Variants in KSR1 observed in about 807,000 individuals in gnomAD.
The protein encoded by KSR1 is kinase suppressor of ras 1, also known as kinase suppressor of ras.
A neutral mutation model predicts 92.9 loss-of-function variants in KSR1; 35 were observed. That is an observed-to-expected ratio of 0.38 (90% confidence interval 0.29 to 0.50). The LOEUF is 0.50. Among genes scored for constraint, KSR1 ranks in the 20% least tolerant of loss-of-function variants. KSR1 has a pLI of 0.94. For synonymous variants in KSR1, 467 were observed against 472.6 expected, an observed-to-expected ratio of 0.99 and a Z score of 0.15; for missense variants, 972 against 1,158.5, an observed-to-expected ratio of 0.84 and a Z score of 2.34.
rs972615817 is a variant in KSR1, at chr17:27,609,507, G to T, written c.2225+178G>T. On this transcript the variant is annotated intron_variant, in intron 16 of 20. Coordinates refer to ENST00000644974, the MANE Select transcript of KSR1 (RefSeq NM_001394583.1). Reference sequence around the variant, plus strand: ...CAGAATCAGATTTGGGTCGCGTTTGGATTCTCAGGCCGACTTCCACGGAAA... The same window carrying T: ...CAGAATCAGATTTGGGTCGCGTTTGTATTCTCAGGCCGACTTCCACGGAAA... Among the ~76,000 whole-genome samples the T allele has an allele frequency of 2.6e-5, 4 of 152,208 alleles. No individual in the cohort carries two copies. The East Asian group carries it at 5.8e-4, about 22-fold the overall frequency.
chr17:27,457,447 C>T (rs2019231939), intron 1 of KSR1, among the ~76,000 whole-genome samples: 1 of 152,164 alleles, frequency 6.6e-6, no homozygotes, highest in African/African-American at 2.4e-5. Context: ...CACGTTGCCA[C>T]GGAGGCTCGC....
chr17:27,503,984 A>G (rs1441648436), intron 1 of KSR1, among the ~76,000 whole-genome samples: 4 of 152,234 alleles, frequency 2.6e-5, no homozygotes, highest in Non-Finnish European at 4.4e-5. Context: ...TAAGAAGAAC[A>G]AAACAAGAAG....
intron 1 of KSR1, among the ~76,000 whole-genome samples, chr17:27,526,034 TTTCTTTTCTTTC>T (rs1391158683): frequency 5.3e-4 from 51 of 96,038 alleles, no homozygotes; most frequent in African/African-American, 2.6e-3. Context: ...TTTCTTTTCT[TTTCTTTTCTTTC>T]TCTCTCTCTC....
chr17:27,491,359 T>TGG (rs2068825353), intron 1 of KSR1, among the ~76,000 whole-genome samples: 1 of 72,214 alleles, frequency 1.4e-5, no homozygotes, highest in Non-Finnish European at 2.7e-5. Context: ...GTGTTGGGGG[T>TGG]GGGGTAGGGG....
intron 1 of KSR1, among the ~76,000 whole-genome samples, chr17:27,479,299 A>G (rs761595285): frequency 2.7e-5 from 4 of 147,760 alleles, no homozygotes; most frequent in East Asian, 2.0e-4. Context: ...CTCCTCCCCC[A>G]TCCATGCTCC....
intron 11 of KSR1, chr17:27,602,076 G>T: frequency 1.5e-6 from 1 of 679,232 alleles, no homozygotes. Context: ...GTAACTGAAG[G>T]TGATGAGCAT....
rs540606592 is a variant in KSR1, at chr17:27,502,918, CT to C, written c.231+46045del. 7.3e-3 allele frequency among the ~76,000 whole-genome samples: 1,105 copies of C among 152,296 alleles called. 11 individuals carry two copies. The highest frequency in any genetic ancestry group is 0.026 in the African/African-American group (1,063 of 41,550). On this transcript the variant is annotated intron_variant, in intron 1 of 20. Transcript: ENST00000644974. ...ACGGACAGTAATGCTAGCAGCTGTG[CT>C]GATGGTAACAGTAACACAGTGAGCC... is the stretch of plus-strand genomic sequence containing the variant.
intron 1 of KSR1, among the ~76,000 whole-genome samples, chr17:27,550,306 C>A (rs560665767): frequency 6.6e-6 from 1 of 152,350 alleles, no homozygotes; most frequent in East Asian, 1.9e-4. Flanking sequence ...ACCAGTGTTG[C>A]CCATGACGCT....
rs951355793 is a variant in KSR1, at chr17:27,555,511, C to T, written c.372+4803C>T. On this transcript the variant is annotated intron_variant, in intron 2 of 20. Transcript: ENST00000644974. ...TTGCCCATCCTTCAGTTTTGTTTGG[C>T]GTGTGTGTGTGTGTGTGTGTGTGTG... 1.7e-4 allele frequency among the ~76,000 whole-genome samples: 26 copies of T among 150,202 alleles called. No individual in the cohort carries two copies. In the East Asian group the frequency reaches 1.8e-3, roughly 10 times the overall value.
intron 1 of KSR1, among the ~76,000 whole-genome samples, chr17:27,478,142 G>C (rs760364194): frequency 1.3e-5 from 2 of 152,190 alleles, no homozygotes; most frequent in Non-Finnish European, 2.9e-5. Flanking sequence ...CCAGTACTTG[G>C]CACACAGTAA....
At chr17:27,594,970 G>A (rs2073292003) in intron 9 of KSR1, among the ~76,000 whole-genome samples, 1 of 152,188 alleles carries the variant, frequency 6.6e-6, no homozygotes. Context: ...GACTGATGGA[G>A]GGTCCTGAGC....
At chr17:27,586,245 G>A (rs566754783) in intron 5 of KSR1, among the ~76,000 whole-genome samples, 4 of 152,364 alleles carry the variant, frequency 2.6e-5, no homozygotes, top group South Asian at 4.1e-4. Context: ...TTGGGAGCAC[G>A]TTCCTGCACG....
At chr17:27,474,195 T>C (rs2068271450) in intron 1 of KSR1, among the ~76,000 whole-genome samples, 1 of 152,240 alleles carries the variant, frequency 6.6e-6, no homozygotes, top group Non-Finnish European at 1.5e-5. Flanking sequence ...TCTGGCCCTG[T>C]TTGGTTTAAG....
chr17:27,511,084 C>A (rs189977453), intron 1 of KSR1, among the ~76,000 whole-genome samples: 7 of 152,348 alleles, frequency 4.6e-5, no homozygotes, highest in Non-Finnish European at 1.5e-5. Context: ...CTAAAAACAC[C>A]TTTTCTGTCC....
chr17:27,514,514 G>A (rs2069717393), intron 1 of KSR1, among the ~76,000 whole-genome samples: 1 of 152,102 alleles, frequency 6.6e-6, no homozygotes, highest in South Asian at 2.1e-4. Flanking sequence ...CAAAAAACTA[G>A]CTGGGTGTGG....
At chr17:27,603,720 C>A in intron 11 of KSR1, 114 bp from the exon 12 acceptor site, 1 of 1,016,928 alleles carries the variant, frequency 9.8e-7, no homozygotes, top group Non-Finnish European at 1.5e-6. Flanking sequence ...GAACATGTGG[C>A]AGTCCACTCA....
At chr17:27,550,436 C>A (rs114174723) in intron 1 of KSR1, 132 bp from the exon 2 acceptor site, 1 of 681,388 alleles carries the variant, frequency 1.5e-6, no homozygotes, top group Non-Finnish European at 2.7e-6. Flanking sequence ...CTGCAAACAG[C>A]AGAGAGGAGA....
chr17:27,604,209 G>A (rs962532770), intron 12 of KSR1, among the ~76,000 whole-genome samples: 3 of 152,184 alleles, frequency 2.0e-5, no homozygotes, highest in Non-Finnish European at 2.9e-5. Context: ...GCCATGCTGA[G>A]CACTTGACTC....
chr17:27,531,892 T>A (rs1026547647), intron 1 of KSR1, among the ~76,000 whole-genome samples: 1 of 152,194 alleles, frequency 6.6e-6, no homozygotes, highest in Non-Finnish European at 1.5e-5. Context: ...AGTCCCTGTT[T>A]GTTAAATAAA....
Sources: allele counts gnomAD v4.1 joint callset (sites outside exome capture counted in the v4.1 genomes callset), GRCh38; gene constraint gnomAD v4.1.1; transcripts MANE v1.5; gene names NCBI Gene and HGNC (gene_info 2026-07-23, HGNC 2026-07-21).